Variants in TRPM7 observed in about 807,000 individuals in gnomAD.
TRPM7 encodes LTRPC ion channel family member 7.
A neutral mutation model predicts 229.7 loss-of-function variants in TRPM7; 134 were observed. The ratio of observed to expected loss-of-function variants is 0.58; its 90% CI spans 0.51 to 0.67. TRPM7 has a LOEUF of 0.67. Ranked by LOEUF, TRPM7 falls within the 30% of genes least tolerant of loss-of-function variation. The pLI is 0.00. For missense variants in TRPM7, 1,901 were observed against 2,210.0 expected (o/e 0.86, Z 2.80); for synonymous variants, 699 against 715.2 (o/e 0.98, Z 0.36).
chr15:50,650,690 G>A (rs535160868), intron 3 of TRPM7, among the ~76,000 whole-genome samples: 3 of 149,582 alleles, frequency 2.0e-5, no homozygotes, highest in Non-Finnish European at 4.4e-5. Context: ...GCAAGACTGG[G>A]TCTCAAAAAA....
intron 2 of TRPM7, among the ~76,000 whole-genome samples, chr15:50,661,318 G>A (rs1023636995): frequency 1.3e-4 from 19 of 151,950 alleles, no homozygotes; most frequent in African/African-American, 4.6e-4. Context: ...ATGAAAAGCA[G>A]GTACATTTTG....
intron 36 of TRPM7, among the ~76,000 whole-genome samples, chr15:50,573,943 A>G (rs2054012321): frequency 1.3e-5 from 2 of 151,662 alleles, no homozygotes; most frequent in South Asian, 2.1e-4. Flanking sequence ...TGTAATCCCA[A>G]CTACTCGGGA....
At chr15:50,647,219 C>A (rs1361272333) in intron 4 of TRPM7, among the ~76,000 whole-genome samples, 1 of 152,166 alleles carries the variant, frequency 6.6e-6, no homozygotes, top group East Asian at 1.9e-4. Context: ...CAACCTTCAC[C>A]TCCCAAGTTT....
At chr15:50,589,335 A>AAG (rs2059425508) in intron 27 of TRPM7, among the ~76,000 whole-genome samples, 1 of 151,710 alleles carries the variant, frequency 6.6e-6, no homozygotes, top group Non-Finnish European at 1.5e-5. Context: ...AAAAAAAAAA[A>AAG]AAAAAAGAGA....
intron 5 of TRPM7, among the ~76,000 whole-genome samples, 185 bp from the exon 6 acceptor site, chr15:50,639,733 A>ATTTTTTTT (rs553888440): frequency 7.1e-6 from 1 of 140,180 alleles, no homozygotes. Flanking sequence ...CAGCCGGCTA[A>ATTTTTTTT]TTTTTTTTTT....
At chr15:50,569,863 T>C (rs772088828) in intron 38 of TRPM7, 24 bp downstream of exon 38, 2 of 1,516,588 alleles carry the variant, frequency 1.3e-6, no homozygotes, top group Non-Finnish European at 1.8e-6. Flanking sequence ...ATTTATATAC[T>C]ATACTGATTA....
intron 1 of TRPM7, among the ~76,000 whole-genome samples, chr15:50,681,789 G>C (rs1193625541): frequency 6.6e-6 from 1 of 152,182 alleles, no homozygotes; most frequent in African/African-American, 2.4e-5. Flanking sequence ...ATAGTAAGAG[G>C]GGTAAACAGT....
intron 2 of TRPM7, among the ~76,000 whole-genome samples, chr15:50,658,508 T>C (rs1455938559): frequency 6.7e-6 from 1 of 148,194 alleles, no homozygotes; most frequent in Non-Finnish European, 1.5e-5. Flanking sequence ...AGGTCGAGGC[T>C]AAAGTGAGCC....
At chr15:50,641,462 C>T (rs2061099625) in intron 5 of TRPM7, among the ~76,000 whole-genome samples, 1 of 152,174 alleles carries the variant, frequency 6.6e-6, no homozygotes, top group South Asian at 2.1e-4. Context: ...CCTCAACTGT[C>T]ACCTTATCAG....
At chr15:50,593,347 A>G (rs572127404) in intron 25 of TRPM7, among the ~76,000 whole-genome samples, 3 of 152,156 alleles carry the variant, frequency 2.0e-5, no homozygotes, top group South Asian at 2.1e-4. Flanking sequence ...ATGCTGTAAA[A>G]TAGTGAGGAC....
At chr15:50,683,603 G>A (rs1023325335) in intron 1 of TRPM7, among the ~76,000 whole-genome samples, 2 of 152,038 alleles carry the variant, frequency 1.3e-5, no homozygotes, top group Non-Finnish European at 2.9e-5. Flanking sequence ...GTGTGGTGGT[G>A]GACGCCTGTA....
At chr15:50,681,193 G>A (rs1365787836) in intron 1 of TRPM7, among the ~76,000 whole-genome samples, 1 of 151,984 alleles carries the variant, frequency 6.6e-6, no homozygotes, top group East Asian at 1.9e-4. Flanking sequence ...AGAGGTTGCA[G>A]TGAGCCAAGA....
chr15:50,586,822 T>C (rs1387372018), intron 27 of TRPM7, among the ~76,000 whole-genome samples: 1 of 152,062 alleles, frequency 6.6e-6, no homozygotes, highest in Admixed American at 6.6e-5. Flanking sequence ...ATCGAGACCA[T>C]CTTGGCCAAC....
At chr15:50,641,770 C>T (rs915828183) in intron 5 of TRPM7, among the ~76,000 whole-genome samples, 16 of 152,094 alleles carry the variant, frequency 1.1e-4, no homozygotes, top group African/African-American at 1.7e-4. Context: ...GAGGCCTAGG[C>T]GGGCGGATCA....
At chr15:50,633,688 T>C (rs893359204) in intron 8 of TRPM7, among the ~76,000 whole-genome samples, 1 of 152,184 alleles carries the variant, frequency 6.6e-6, no homozygotes, top group Non-Finnish European at 1.5e-5. Flanking sequence ...CCATAACTTA[T>C]CTAGTCTTCT....
At chr15:50,663,125 A>C in intron 1 of TRPM7, 79 bp from the exon 2 acceptor site, 1 of 1,131,198 alleles carries the variant, frequency 8.8e-7, no homozygotes, top group Non-Finnish European at 1.3e-6. Context: ...ATAAACACAT[A>C]AACAGTTCTT....
At chr15:50,576,688 T>A (rs2054151387) in intron 31 of TRPM7, among the ~76,000 whole-genome samples, 1 of 152,188 alleles carries the variant, frequency 6.6e-6, no homozygotes, top group South Asian at 2.1e-4. Flanking sequence ...ATTCTGTAGG[T>A]ATGTGTCATC....
At chr15:50,657,206 C>G (rs997343567) in intron 3 of TRPM7, among the ~76,000 whole-genome samples, 1 of 152,130 alleles carries the variant, frequency 6.6e-6, no homozygotes, top group Non-Finnish European at 1.5e-5. Context: ...TGCCTGTAAT[C>G]CCAGCTACTC....
chr15:50,569,931 G>C lies in TRPM7; in HGVS notation c.5423C>G (p.Ala1808Gly). The change falls in exon 38 of 39, where the codon GCA becomes GGA. Residue 1808 changes from alanine (A) to glycine (G), a missense_variant. Ala to Gly is a moderately conservative substitution (Grantham distance 60). Coordinates refer to ENST00000646667, the MANE Select transcript of TRPM7 (RefSeq NM_017672.6). ...ACAGCAAGAATTACAGTGATGTTTTGCTCTGAAGTTTTTAATTGCATCTTC... is the reference window on the plus strand; with the variant it reads ...ACAGCAAGAATTACAGTGATGTTTTCCTCTGAAGTTTTTAATTGCATCTTC... The part of the protein sequence containing the change: ...LGEDAIKNFR[A>G]KHHCNSCCRK... 1 of 1,612,242 alleles carries C rather than the reference G, an allele frequency of 6.2e-7. No homozygotes were observed. Among genetic ancestry groups the C allele is most frequent in the Non-Finnish European group, 8.5e-7 (1 of 1,179,158 alleles).
Sources: allele counts gnomAD v4.1 joint callset (sites outside exome capture counted in the v4.1 genomes callset), GRCh38; gene constraint gnomAD v4.1.1; transcripts MANE v1.5; gene names NCBI Gene and HGNC (gene_info 2026-07-23, HGNC 2026-07-21).